Variants in PITPNM3 observed in about 807,000 individuals in gnomAD.
PITPNM3 encodes membrane-associated phosphatidylinositol transfer protein 3.
A neutral mutation model predicts 102.0 loss-of-function variants in PITPNM3; 26 were observed. That is an observed-to-expected ratio of 0.25 (90% CI 0.19 to 0.35). PITPNM3 has a LOEUF of 0.35. Among genes scored for constraint, PITPNM3 ranks in the 10% least tolerant of loss-of-function variants. The probability of loss-of-function intolerance (pLI) is 1.00; values close to 1 mark genes in which losing one functional copy is unlikely to be tolerated. For missense variants in PITPNM3, 1,083 were observed against 1,346.1 expected, an observed-to-expected ratio of 0.80 and a Z score of 3.06; for synonymous variants, 578 against 558.6, an observed-to-expected ratio of 1.03 and a Z score of -0.49.
Position 6,556,251 on chromosome 17 carries a change from G to T in PITPNM3, c.22+134C>A. On this transcript the variant is annotated intron_variant, in intron 1 of 19. Coordinates refer to ENST00000262483, the MANE Select transcript of PITPNM3 (RefSeq NM_031220.4). This position sits in a 1 kb window ranked among gnomAD's most constrained non-coding sequence, Gnocchi z 5.2. ...CTCCACGCGCGGGAGGTCCAGCCCC[G>T]CTACCGCCCCCTACGCCCTCCCGGG... 1.5e-6 allele frequency: 1 copy of T among 656,082 alleles called. No homozygotes were observed. Among genetic ancestry groups the T allele is most frequent in the Non-Finnish European group, 2.1e-6 (1 of 466,598 alleles). 40.6% of individuals were successfully genotyped at this position (656,082 alleles called of 1,614,324 possible).
At chr17:6,531,324 A>G (rs1435688426) in intron 2 of PITPNM3, among the ~76,000 whole-genome samples, 1 of 152,182 alleles carries the variant, frequency 6.6e-6, no homozygotes, top group East Asian at 1.9e-4. Flanking sequence ...ACTAGCCCCA[A>G]CCTTGCATCC....
At chr17:6,499,594 T>C (rs1040257672) in intron 4 of PITPNM3, among the ~76,000 whole-genome samples, 2 of 152,206 alleles carry the variant, frequency 1.3e-5, no homozygotes, top group Admixed American at 1.3e-4. Flanking sequence ...CAGTAACAAG[T>C]GACAACCATC....
chr17:6,530,904 C>G (rs1909110494), intron 2 of PITPNM3, among the ~76,000 whole-genome samples: 1 of 152,200 alleles, frequency 6.6e-6, no homozygotes, highest in African/African-American at 2.4e-5. Context: ...CATGGGGAGC[C>G]TCATTGACAG....
chr17:6,477,762 T>A (rs570032992), intron 8 of PITPNM3, among the ~76,000 whole-genome samples: 1 of 152,264 alleles, frequency 6.6e-6, no homozygotes, highest in East Asian at 1.9e-4. Flanking sequence ...GCCAGGCTAG[T>A]CTCAAACTCC....
chr17:6,497,860 G>A (rs549846400), intron 4 of PITPNM3, among the ~76,000 whole-genome samples: 1 of 152,338 alleles, frequency 6.6e-6, no homozygotes, highest in East Asian at 1.9e-4. Flanking sequence ...TGGGGGTGGG[G>A]CAGAGGGAGG....
intron 1 of PITPNM3, among the ~76,000 whole-genome samples, chr17:6,539,322 C>T (rs165103): frequency 0.5 from 75,249 of 151,730 alleles, 19,260 homozygotes; most frequent in South Asian, 0.67. Flanking sequence ...AGATATGGGA[C>T]GATTTTCCAA....
At chr17:6,542,025 C>T (rs556245281) in intron 1 of PITPNM3, among the ~76,000 whole-genome samples, 53 of 152,338 alleles carry the variant, frequency 3.5e-4, no homozygotes, top group Non-Finnish European at 3.8e-4. Context: ...AAGGCGTTTG[C>T]TCTGCGGAAG....
chr17:6,535,913 A>AT (rs1326255466), intron 2 of PITPNM3, among the ~76,000 whole-genome samples: 3 of 151,938 alleles, frequency 2.0e-5, no homozygotes, highest in African/African-American at 7.3e-5. Context: ...CAAAAAAAAA[A>AT]ATTGGTCAGA....
chr17:6,484,811 A>G (rs1428479357), intron 4 of PITPNM3, among the ~76,000 whole-genome samples: 2 of 152,162 alleles, frequency 1.3e-5, no homozygotes, highest in Non-Finnish European at 2.9e-5. Context: ...GAAGCAGTGA[A>G]TGAGGCGATC....
rs112797191 is a variant in PITPNM3, at chr17:6,478,083, C to A, written c.792G>T (p.Gly264=). ...IGFSGQVCLI[G]DCVGGLLAFD... is the part of the protein sequence containing the mutation. ...AGGCCAGGAGGCCCCCCACACAGTC[C>A]CCGATGAGACACACCTGGAAGAGAT... The change falls in exon 8 of 20, where the codon GGG becomes GGT. Residue 264 remains glycine, a synonymous_variant. Transcript: ENST00000262483. The surrounding 1 kb of genome is among the most constrained non-coding windows in gnomAD (Gnocchi z 4.4). The A allele has an allele frequency of 6.8e-6, 11 of 1,613,516 alleles. No homozygotes were observed. Among genetic ancestry groups the A allele is most frequent in the African/African-American group, 2.7e-5 (2 of 75,076 alleles).
At chr17:6,551,605 T>C (rs1332544395) in intron 1 of PITPNM3, among the ~76,000 whole-genome samples, 2 of 152,100 alleles carry the variant, frequency 1.3e-5, no homozygotes, top group Admixed American at 1.3e-4. Flanking sequence ...CCAGGTATGA[T>C]GGCTCATGCC....
At position 6,459,681 on chromosome 17, in the gene PITPNM3, C is replaced by T. The variant is rs1475702578; in HGVS notation, c.2490+1692G>A. ...CATTTATGGAGTCCCTACCATGTGG[C>T]ATCATCACCCCCAATGCAGAAGCTA... On this transcript the variant is annotated intron_variant, in intron 18 of 19. Coordinates refer to ENST00000262483, the MANE Select transcript of PITPNM3 (RefSeq NM_031220.4). This position sits in a 1 kb window ranked among gnomAD's most constrained non-coding sequence, Gnocchi z 5.0. 2.0e-5 allele frequency among the ~76,000 whole-genome samples: 3 copies of T among 152,186 alleles called. No homozygotes were observed. The highest frequency in any genetic ancestry group is 6.5e-5 in the Admixed American group (1 of 15,284).
At chr17:6,477,281 C>A in intron 8 of PITPNM3, 68 bp from the exon 9 acceptor site, 1 of 1,537,242 alleles carries the variant, frequency 6.5e-7, no homozygotes, top group South Asian at 1.1e-5. Context: ...GGCCTTGTCT[C>A]CTCCCCCCAA....
intron 1 of PITPNM3, among the ~76,000 whole-genome samples, chr17:6,544,940 G>A (rs1165814259): frequency 2.0e-5 from 3 of 152,148 alleles, no homozygotes; most frequent in African/African-American, 7.2e-5. Context: ...GGTCCCTGGG[G>A]TCCAAACGCA....
chr17:6,538,029 C>A lies in PITPNM3; in HGVS notation c.76G>T (p.Asp26Tyr), dbSNP rs1909534416. ...TCATCATCTGAGCTCTCCACAGAGT[C>A]ACTGAGGACATTTCGAAGGTGCCAG... ...APWHLRNVLSDSVESSDDEFF... is the reference protein window; with the variant it reads ...APWHLRNVLSYSVESSDDEFF... Residue 26 changes from aspartate to tyrosine, a missense_variant, in exon 2 of 20, where the codon GAC (aspartate) becomes TAC (tyrosine). Transcript: ENST00000262483. The A allele has an allele frequency of 6.2e-7, 1 of 1,613,994 alleles. No homozygotes were observed. Among genetic ancestry groups the A allele is most frequent in the Non-Finnish European group, 8.5e-7 (1 of 1,179,904 alleles).
intron 1 of PITPNM3, among the ~76,000 whole-genome samples, chr17:6,544,873 A>G (rs1403621638): frequency 6.6e-6 from 1 of 151,870 alleles, no homozygotes; most frequent in Non-Finnish European, 1.5e-5. Flanking sequence ...ACTCACACAC[A>G]CACACACGCA....
chr17:6,542,425 C>T (rs1292905006), intron 1 of PITPNM3, among the ~76,000 whole-genome samples: 1 of 152,148 alleles, frequency 6.6e-6, no homozygotes, highest in African/African-American at 2.4e-5. Flanking sequence ...ATCATGCATG[C>T]ATGCACACTC....
intron 1 of PITPNM3, among the ~76,000 whole-genome samples, chr17:6,547,006 CA>C (rs534428306): frequency 7.6e-4 from 104 of 135,958 alleles, no homozygotes; most frequent in Middle Eastern, 3.8e-3. Flanking sequence ...GACTCCGTCT[CA>C]AAAAAAAAAA....
intron 4 of PITPNM3, among the ~76,000 whole-genome samples, chr17:6,500,735 G>A (rs1275404192): frequency 6.6e-6 from 1 of 151,828 alleles, no homozygotes; most frequent in Non-Finnish European, 1.5e-5. Context: ...GAGTGCAATG[G>A]CATAATCTTG....
Sources: gnomAD v4.1 joint callset for allele counts (sites outside exome capture counted in the v4.1 genomes callset) on GRCh38, gnomAD v4.1.1 for gene constraint, Gnocchi (gnomAD v3.1) non-coding constraint, MANE v1.5 for transcripts, NCBI Gene and HGNC (gene_info 2026-07-23, HGNC 2026-07-21) for gene names.